The following KANK1 variants were observed in gnomAD, a reference collection of about 807,000 sequenced individuals.
KANK1 encodes KN motif and ankyrin repeat domain-containing protein 1.
Under a neutral mutation model 106.2 loss-of-function variants are expected in KANK1, and 109 were observed. The ratio of observed to expected loss-of-function variants is 1.03; its 90% CI spans 0.88 to 1.20. KANK1 has a LOEUF of 1.20. Ranked by LOEUF, KANK1 falls within the 50% of genes most tolerant of loss-of-function variation. KANK1 has a pLI of 0.00. For missense variants in KANK1, 2,399 were observed against 1,710.7 expected (o/e 1.40, Z -7.10); for synonymous variants, 873 against 652.2 (o/e 1.34, Z -5.16).
intron 11 of KANK1, chr9:744,940 C>T (rs1836801471): frequency 1.4e-6 from 2 of 1,440,864 alleles, no homozygotes; most frequent in South Asian, 1.5e-5. Context: ...GCCTGTAGTC[C>T]ACAGTTCACT....
At chr9:497,688 C>CA (rs1052493952) in intron 3 of KANK1, among the ~76,000 whole-genome samples, 1 of 151,948 alleles carries the variant, frequency 6.6e-6, no homozygotes, top group Admixed American at 6.6e-5. Flanking sequence ...CCTGTCTTGA[C>CA]AAAAAATACA....
intron 1 of KANK1, among the ~76,000 whole-genome samples, chr9:562,961 G>A (rs538784639): frequency 6.6e-6 from 1 of 152,244 alleles, no homozygotes; most frequent in African/African-American, 2.4e-5. Context: ...TCATCTTTGT[G>A]GAGTAAGTAC....
Position 713,381 on chromosome 9 carries a change from C to CT in KANK1, c.2616dup (p.Ile873TyrfsTer11). The stretch of plus-strand genomic sequence containing the variant: ...TCTCAGCTCATCAGCACCCTGTCGT[C>CT]TATCAACTCTGTCATGAAATCTGCA... On this transcript the variant is annotated frameshift_variant, in exon 3 of 12. Transcript: ENST00000382297. LOFTEE classifies it high-confidence loss of function. 6.2e-7 allele frequency: 1 copy of CT among 1,614,026 alleles called. No individual in the cohort carries two copies. The highest frequency in any genetic ancestry group is 8.5e-7 in the Non-Finnish European group (1 of 1,179,990).
chr9:734,582 C>T (rs574899053), intron 6 of KANK1, 166 bp from the exon 7 acceptor site: 2 of 511,984 alleles, frequency 3.9e-6, no homozygotes, highest in Non-Finnish European at 7.2e-6. Flanking sequence ...AGGAGGATTG[C>T]TTGAATCCAG....
rs371096014 is a variant in KANK1, at chr9:712,944, C to T, written c.2178C>T (p.Asp726=). ...CTGTAGGAGAAGGCCGTGTCAAGGACATCAACTCCTCCACCAAGACGCGGT... is the reference window on the plus strand; with the variant it reads ...CTGTAGGAGAAGGCCGTGTCAAGGATATCAACTCCTCCACCAAGACGCGGT... The part of the protein sequence containing the change: ...TVAVGEGRVK[D]INSSTKTRSI... Residue 726 remains aspartate (D), a synonymous_variant, in exon 3 of 12, where the codon GAC becomes GAT. Coordinates refer to ENST00000382297, the MANE Select transcript of KANK1 (RefSeq NM_015158.5). The T allele has an allele frequency of 3.5e-5, 57 of 1,614,068 alleles. No homozygotes were observed. Among genetic ancestry groups the T allele is most frequent in the Non-Finnish European group, 4.1e-5 (48 of 1,180,050 alleles).
intron 1 of KANK1, among the ~76,000 whole-genome samples, chr9:660,704 C>G (rs1303647449): frequency 6.6e-6 from 1 of 152,172 alleles, no homozygotes; most frequent in African/African-American, 2.4e-5. Flanking sequence ...CCCGAACAAT[C>G]CTCGGTGAAT....
intron 1 of KANK1, among the ~76,000 whole-genome samples, chr9:533,377 A>G (rs1278056301): frequency 2.0e-5 from 3 of 152,210 alleles, no homozygotes; most frequent in Admixed American, 2.0e-4. Context: ...TTCCATCTGA[A>G]GAATGGACAT....
intron 1 of KANK1, among the ~76,000 whole-genome samples, chr9:511,153 G>T (rs1431537933): frequency 2.0e-5 from 3 of 152,192 alleles, no homozygotes; most frequent in Non-Finnish European, 4.4e-5. Context: ...AGAGAGATCT[G>T]GGTGATATTT....
intron 1 of KANK1, among the ~76,000 whole-genome samples, chr9:649,246 T>A (rs1402864865): frequency 6.6e-6 from 1 of 152,190 alleles, no homozygotes; most frequent in Non-Finnish European, 1.5e-5. Context: ...TTCCCATTAG[T>A]TCTTTACAGG....
intron 1 of KANK1, among the ~76,000 whole-genome samples, chr9:529,155 G>A (rs1029732483): frequency 6.6e-6 from 1 of 151,370 alleles, no homozygotes; most frequent in African/African-American, 2.4e-5. Context: ...CCCACTTCCT[G>A]TACTAGCTAC....
intron 1 of KANK1, among the ~76,000 whole-genome samples, chr9:577,284 A>G (rs1186198282): frequency 6.6e-6 from 1 of 152,138 alleles, no homozygotes. Flanking sequence ...CCCATTTTAC[A>G]GAGAGCTGAT....
chr9:657,688 G>A (rs535460084), intron 1 of KANK1, among the ~76,000 whole-genome samples: 1 of 152,152 alleles, frequency 6.6e-6, no homozygotes, highest in East Asian at 1.9e-4. Flanking sequence ...ACCATTTTCA[G>A]GTGAGGTGCG....
chr9:521,605 C>G (rs1477530950), intron 1 of KANK1, among the ~76,000 whole-genome samples: 1 of 139,706 alleles, frequency 7.2e-6, no homozygotes, highest in Non-Finnish European at 1.5e-5. Flanking sequence ...TTTTGCTCGT[C>G]ACCCAGGCTG....
At chr9:592,989 A>G (rs555877341) in intron 1 of KANK1, among the ~76,000 whole-genome samples, 2 of 152,002 alleles carry the variant, frequency 1.3e-5, no homozygotes, top group African/African-American at 4.8e-5. Context: ...ACCATAGCCT[A>G]CCTTCTAAGA....
chr9:740,404 C>T (rs984444314), intron 8 of KANK1, among the ~76,000 whole-genome samples: 4 of 152,126 alleles, frequency 2.6e-5, no homozygotes, highest in African/African-American at 7.2e-5. Flanking sequence ...GCAAACACTT[C>T]GTTCATGAAT....
chr9:493,243 TCTCC>T (rs773849528), intron 3 of KANK1, among the ~76,000 whole-genome samples: 24 of 151,674 alleles, frequency 1.6e-4, no homozygotes, highest in South Asian at 2.1e-4. Flanking sequence ...TTTGTCTTTC[TCTCC>T]ATCCCCACTT....
rs3028166 is a variant in KANK1 at position 598,620 on chromosome 9, C to CTTTTTTTTTTTTTTTTTTTTTTTTTTT, written c.-83-78266_-83-78240dup. ...TTTTTTGTTTTGTTTTGTTGGTTTT[C>CTTTTTTTTTTTTTTTTTTTTTTTTTTT]TTTTTTTTTTTTTTTTTTTTTTTTT... On this transcript the variant is annotated intron_variant, in intron 1 of 11. Coordinates refer to ENST00000382297, the MANE Select transcript of KANK1 (RefSeq NM_015158.5). Among the ~76,000 whole-genome samples the CTTTTTTTTTTTTTTTTTTTTTTTTTTT allele has an allele frequency of 1.7e-4, 8 of 46,680 alleles. 1 individual carries two copies. The highest frequency in any genetic ancestry group is 9.3e-4 in the Admixed American group (3 of 3,234). 30.6% of individuals were successfully genotyped at this position (46,680 alleles called of 152,430 possible).
At chr9:638,687 C>T (rs968829664) in intron 1 of KANK1, among the ~76,000 whole-genome samples, 2 of 152,130 alleles carry the variant, frequency 1.3e-5, no homozygotes, top group Non-Finnish European at 2.9e-5. Context: ...ACTTTGTTGT[C>T]TTTCATAAAC....
chr9:742,487 G>T, intron 10 of KANK1, 82 bp downstream of exon 10: 2 of 1,080,388 alleles, frequency 1.9e-6, no homozygotes, highest in Non-Finnish European at 2.7e-6. Flanking sequence ...TTGGCCAGGA[G>T]CGACCAAATC....
Sources: gnomAD v4.1 joint callset for allele counts (sites outside exome capture counted in the v4.1 genomes callset) on GRCh38, gnomAD v4.1.1 for gene constraint, MANE v1.5 for transcripts, NCBI Gene and HGNC (gene_info 2026-07-23, HGNC 2026-07-21) for gene names.